Variants in UNC13A observed in about 807,000 individuals in gnomAD.
UNC13A encodes protein unc-13 homolog A.
A neutral mutation model predicts 219.7 loss-of-function variants in UNC13A; 61 were observed. The observed-to-expected ratio is 0.28, with a 90% CI of 0.23 to 0.34. The LOEUF (loss-of-function observed/expected upper bound fraction) is 0.34, where lower values mean the gene tolerates loss of function less well. Ranked by LOEUF, UNC13A falls within the 10% of genes least tolerant of loss-of-function variation. The pLI is 1.00. For synonymous variants in UNC13A, 920 were observed against 884.6 expected, an observed-to-expected ratio of 1.04 and a Z score of -0.71; for missense variants, 1,476 against 2,270.3, an observed-to-expected ratio of 0.65 and a Z score of 7.11.
At chr19:17,612,799 C>T (rs556450485) in intron 41 of UNC13A, among the ~76,000 whole-genome samples, 66 of 152,198 alleles carry the variant, frequency 4.3e-4, no homozygotes, top group Non-Finnish European at 7.8e-4. Flanking sequence ...GAGACGAGAT[C>T]GCACCACTGC....
At chr19:17,654,180 A>G (rs2079407452) in intron 11 of UNC13A, among the ~76,000 whole-genome samples, 1 of 151,980 alleles carries the variant, frequency 6.6e-6, no homozygotes, top group South Asian at 2.1e-4. Context: ...ATTGCCTTGG[A>G]TTAGTTTTAT....
intron 25 of UNC13A, among the ~76,000 whole-genome samples, chr19:17,636,661 C>G (rs9653150): frequency 2.0e-5 from 3 of 152,082 alleles, no homozygotes; most frequent in South Asian, 4.1e-4. Context: ...GGAAATAAAT[C>G]GACTCGAACT....
intron 35 of UNC13A, among the ~76,000 whole-genome samples, chr19:17,624,122 CTT>C (rs762349924): frequency 7.3e-6 from 1 of 136,448 alleles, no homozygotes. Context: ...TATGCCTTCT[CTT>C]TTTTTTTTTT....
intron 28 of UNC13A, 119 bp downstream of exon 28, chr19:17,632,663 C>T: frequency 1.4e-6 from 2 of 1,468,446 alleles, no homozygotes; most frequent in Non-Finnish European, 1.9e-6. Context: ...GGATTCAAGC[C>T]CCACCCATGC....
At chr19:17,648,033 A>G (rs1449249762) in intron 16 of UNC13A, among the ~76,000 whole-genome samples, 2 of 16,020 alleles carry the variant, frequency 1.2e-4, no homozygotes, top group Non-Finnish European at 2.4e-4. Flanking sequence ...CCCCCCCTCC[A>G]CAGTCCTCTC....
chr19:17,688,118 C>T, intron 1 of UNC13A, 60 bp downstream of exon 1: 2 of 1,509,880 alleles, frequency 1.3e-6, no homozygotes, highest in Non-Finnish European at 1.8e-6. Flanking sequence ...CGCATCCACG[C>T]GGACCCCGAC....
At chr19:17,672,615 T>C (rs765290683) in intron 3 of UNC13A, 120 bp from the exon 4 acceptor site, 18 of 690,902 alleles carry the variant, frequency 2.6e-5, no homozygotes, top group Non-Finnish European at 4.3e-5. Context: ...GGCCTGGGAG[T>C]GTCCTAGGTG....
intron 33 of UNC13A, among the ~76,000 whole-genome samples, 183 bp from the exon 34 acceptor site, chr19:17,626,968 C>G (rs1405850580): frequency 1.3e-5 from 2 of 152,116 alleles, no homozygotes; most frequent in African/African-American, 4.8e-5. Flanking sequence ...CCAAGGCGGG[C>G]GGATCACGAG....
intron 9 of UNC13A, among the ~76,000 whole-genome samples, chr19:17,657,842 C>T (rs1368547398): frequency 3.3e-5 from 5 of 149,740 alleles, no homozygotes; most frequent in Non-Finnish European, 7.4e-5. Context: ...GCACTCCAGC[C>T]TGGGTGACAG....
At chr19:17,677,018 A>G (rs565491369) in intron 1 of UNC13A, among the ~76,000 whole-genome samples, 1 of 152,122 alleles carries the variant, frequency 6.6e-6, no homozygotes, top group Non-Finnish European at 1.5e-5. Flanking sequence ...TTGTCTCAAC[A>G]ACAACCAAAA....
At chr19:17,633,234 G>C (rs1568514858) in intron 26 of UNC13A, 41 bp from the exon 27 acceptor site, 1 of 1,588,830 alleles carries the variant, frequency 6.3e-7, no homozygotes. Context: ...GCAGGCAGAA[G>C]GCAGATGGGA....
intron 8 of UNC13A, among the ~76,000 whole-genome samples, chr19:17,662,912 T>G (rs997363411): frequency 7.9e-6 from 1 of 126,024 alleles, no homozygotes; most frequent in East Asian, 2.2e-4. Flanking sequence ...AGAGTGAGAC[T>G]CCGTCTCAAA....
intron 8 of UNC13A, among the ~76,000 whole-genome samples, chr19:17,660,679 G>A (rs897128388): frequency 4.0e-5 from 6 of 151,858 alleles, no homozygotes; most frequent in African/African-American, 9.7e-5. Flanking sequence ...TTAAAGGCAT[G>A]CACCACCATG....
At chr19:17,652,081 G>A (rs10416963) in intron 12 of UNC13A, among the ~76,000 whole-genome samples, 103,016 of 151,676 alleles carry the variant, frequency 0.68, 35,896 homozygotes, top group African/African-American at 0.85. Context: ...TTTCCCAATA[G>A]TGTCTAGTTC....
rs533857901 is a variant in UNC13A at position 17,642,743 on chromosome 19, G to A, written c.2472+102C>T. The A allele has an allele frequency of 5.1e-6, 5 of 974,980 alleles. 1 individual carries two copies. The highest frequency in any genetic ancestry group is 4.9e-5 in the African/African-American group (3 of 60,944). 60.4% of individuals were successfully genotyped at this position (974,980 alleles called of 1,614,324 possible). The stretch of plus-strand genomic sequence containing the variant: ...GAATGGCATGGCGGGCAGTCTCAGA[G>A]GGCCAGGAGAGTGTGGATGGTGTGG... On this transcript the variant is annotated intron_variant, in intron 20 of 43. Coordinates refer to ENST00000519716, the MANE Select transcript of UNC13A (RefSeq NM_001080421.3).
intron 26 of UNC13A, among the ~76,000 whole-genome samples, chr19:17,634,224 C>G (rs769360946): frequency 2.6e-5 from 4 of 151,886 alleles, no homozygotes; most frequent in Non-Finnish European, 4.4e-5. Flanking sequence ...ATTAAATGAC[C>G]CATCTATCTA....
intron 3 of UNC13A, among the ~76,000 whole-genome samples, chr19:17,673,108 A>G (rs1361422022): frequency 2.0e-5 from 3 of 152,218 alleles, no homozygotes; most frequent in African/African-American, 7.2e-5. Context: ...CTGTAATCCC[A>G]GCACTTTGGG....
rs1264370065 is a variant in UNC13A, at chr19:17,603,926, C to T, written c.*2128G>A. On this transcript the variant is annotated 3_prime_UTR_variant, in exon 44 of 44. Coordinates refer to ENST00000519716, the MANE Select transcript of UNC13A (RefSeq NM_001080421.3). ...TCCAGGGTTCAAACAATTCTCCCGC[C>T]TCAGTCTCCTGAGTAGCTGGGACTA... The T allele has an allele frequency of 1.3e-5, 2 of 150,930 alleles. No homozygotes were observed. The highest frequency in any genetic ancestry group is 6.6e-5 in the Admixed American group (1 of 15,056). 9.3% of individuals were successfully genotyped at this position (150,930 alleles called of 1,614,324 possible).
At chr19:17,642,318 T>C (rs147421128) in intron 20 of UNC13A, among the ~76,000 whole-genome samples, 1 of 152,150 alleles carries the variant, frequency 6.6e-6, no homozygotes, top group East Asian at 1.9e-4. Context: ...CTTTCAATAG[T>C]TCAATCATAT....
Sources: allele counts gnomAD v4.1 joint callset (sites outside exome capture counted in the v4.1 genomes callset), GRCh38; gene constraint gnomAD v4.1.1; transcripts MANE v1.5; gene names NCBI Gene and HGNC (gene_info 2026-07-23, HGNC 2026-07-21).